Variants in SNX14 observed in about 807,000 individuals in gnomAD.
The protein encoded by SNX14 is sorting nexin 14.
Under a neutral mutation model 133.8 loss-of-function variants are expected in SNX14, and 93 were observed. The observed-to-expected ratio is 0.70, with a 90% CI of 0.59 to 0.83. The LOEUF (loss-of-function observed/expected upper bound fraction) is 0.83, where lower values mean the gene tolerates loss of function less well. Ranked by LOEUF, SNX14 falls within the 40% of genes least tolerant of loss-of-function variation. The pLI is 0.00. For synonymous variants in SNX14, 368 were observed against 365.6 expected (o/e 1.01, Z -0.07); for missense variants, 945 against 1,094.9 (o/e 0.86, Z 1.93).
chr6:85,528,148 A>T, intron 20 of SNX14, 114 bp downstream of exon 20: 1 of 605,662 alleles, frequency 1.7e-6, no homozygotes. Context: ...TCTAAATTAA[A>T]ATCTACATGG....
intron 1 of SNX14, among the ~76,000 whole-genome samples, chr6:85,582,647 C>A (rs1799406886): frequency 6.6e-6 from 1 of 152,108 alleles, no homozygotes; most frequent in Non-Finnish European, 1.5e-5. Context: ...ATACTATAAA[C>A]ACATCTACTG....
Position 85,534,978 on chromosome 6 carries a change from AAACATT to A in SNX14, c.1609-1184_1609-1179del, listed in dbSNP as rs1361909048. ...GAATATGCTTAAAATTAGAAAACAT[AAACATT>A]ATTTTGAAAAAGACTTTCTCTGATC... On this transcript the variant is annotated intron_variant, in intron 17 of 28. Coordinates refer to ENST00000314673, the MANE Select transcript of SNX14 (RefSeq NM_153816.6). Among the ~76,000 whole-genome samples, 4 of 151,820 alleles carry A rather than the reference AAACATT, an allele frequency of 2.6e-5. 1 individual carries two copies. In the Middle Eastern group the frequency reaches 0.01, roughly 387 times the overall value.
At chr6:85,573,683 T>C (rs1307713301) in intron 2 of SNX14, among the ~76,000 whole-genome samples, 1 of 152,186 alleles carries the variant, frequency 6.6e-6, no homozygotes. Context: ...GATTAGATCA[T>C]TTAACCCAGA....
At chr6:85,514,293 T>C in intron 24 of SNX14, 59 bp from the exon 25 acceptor site, 12 of 1,549,816 alleles carry the variant, frequency 7.7e-6, no homozygotes, top group East Asian at 2.3e-5. Flanking sequence ...TTTTTGAAAT[T>C]TGCCAATGTA....
intron 21 of SNX14, among the ~76,000 whole-genome samples, chr6:85,521,460 A>T (rs1776817430): frequency 6.6e-6 from 1 of 151,802 alleles, no homozygotes; most frequent in South Asian, 2.1e-4. Flanking sequence ...CAGGCTGGTG[A>T]AATTATTTTT....
intron 2 of SNX14, among the ~76,000 whole-genome samples, chr6:85,573,516 A>G (rs893279608): frequency 4.6e-5 from 7 of 152,128 alleles, no homozygotes; most frequent in Non-Finnish European, 7.4e-5. Flanking sequence ...ATATCCCACT[A>G]AACCCTAATC....
At position 85,547,128 on chromosome 6, in the gene SNX14, C is replaced by T. The variant is rs764581641; in HGVS notation, c.1092G>A (p.Gln364=). The change falls in exon 12 of 29, where the codon CAG becomes CAA. Residue 364 remains glutamine, a synonymous_variant. Coordinates refer to ENST00000314673, the MANE Select transcript of SNX14 (RefSeq NM_153816.6). ...AAGCCTCACCCACAGTCAAACAAAA[C>T]TGCAACACGTGCACTGCGCCTTCTT... is the stretch of plus-strand genomic sequence containing the variant. ...LKQEGAVHVL[Q]FCLTVEEFND... is the part of the protein sequence containing the mutation. 2.8e-5 allele frequency: 45 copies of T among 1,613,292 alleles called. No homozygotes were observed. Among genetic ancestry groups the T allele is most frequent in the Non-Finnish European group, 3.6e-5 (42 of 1,179,700 alleles).
intron 15 of SNX14, among the ~76,000 whole-genome samples, chr6:85,541,641 T>TA (rs977403073): frequency 5.3e-5 from 8 of 151,994 alleles, no homozygotes; most frequent in African/African-American, 1.7e-4. Flanking sequence ...TAAGCACTCT[T>TA]AAAAAAAAGT....
At chr6:85,564,197 G>A (rs1045809167) in intron 6 of SNX14, among the ~76,000 whole-genome samples, 6 of 152,180 alleles carry the variant, frequency 3.9e-5, no homozygotes, top group African/African-American at 1.4e-4. Flanking sequence ...TTGGTTCCAA[G>A]TCTTTGCTAT....
At chr6:85,557,832 G>A in intron 7 of SNX14, 144 bp downstream of exon 7, 1 of 575,308 alleles carries the variant, frequency 1.7e-6, no homozygotes, top group South Asian at 2.2e-5. Flanking sequence ...ACAAACTACT[G>A]AAAGACATTT....
intron 8 of SNX14, 134 bp downstream of exon 8, chr6:85,549,587 CTT>C (rs1196458419): frequency 4.4e-5 from 21 of 482,126 alleles, no homozygotes; most frequent in Admixed American, 2.6e-4. Context: ...ATATTAATAA[CTT>C]AATAAATTTT....
intron 27 of SNX14, among the ~76,000 whole-genome samples, chr6:85,507,583 C>T (rs1259684933): frequency 6.6e-6 from 1 of 152,080 alleles, no homozygotes. Flanking sequence ...AAAATCACAA[C>T]TGTATTGAGA....
At chr6:85,537,876 A>C (rs2128039094) in intron 16 of SNX14, among the ~76,000 whole-genome samples, 1 of 152,238 alleles carries the variant, frequency 6.6e-6, no homozygotes, top group African/African-American at 2.4e-5. Flanking sequence ...TTGGACCCGC[A>C]AGATTGCACC....
chr6:85,578,575 G>A (rs1017706821), intron 1 of SNX14, among the ~76,000 whole-genome samples: 2 of 152,194 alleles, frequency 1.3e-5, no homozygotes, highest in Admixed American at 1.3e-4. Flanking sequence ...AATGATCCCA[G>A]ATTTGGATTC....
chr6:85,554,222 T>TTA (rs544508658), intron 7 of SNX14, among the ~76,000 whole-genome samples: 2,969 of 148,766 alleles, frequency 0.02, 32 homozygotes, highest in Middle Eastern at 0.053. Flanking sequence ...CAATTTAAGT[T>TTA]TATATATATA....
chr6:85,547,581 T>C, intron 9 of SNX14, 31 bp from the exon 10 acceptor site: 4 of 1,509,334 alleles, frequency 2.7e-6, no homozygotes, highest in Non-Finnish European at 3.6e-6. Flanking sequence ...TAAGTCAAAA[T>C]AATTCCACTA....
chr6:85,590,281 G>A (rs560851114), intron 1 of SNX14, among the ~76,000 whole-genome samples: 10 of 152,178 alleles, frequency 6.6e-5, no homozygotes, highest in Admixed American at 2.0e-4. Context: ...AAGAATTTGC[G>A]TACACCTTCC....
chr6:85,507,826 T>C (rs1771265782), intron 27 of SNX14, 142 bp downstream of exon 27: 1 of 461,712 alleles, frequency 2.2e-6, no homozygotes, highest in Non-Finnish European at 3.6e-6. Context: ...CAAATAAAAC[T>C]TTTTTTCTAT....
At position 85,518,041 on chromosome 6, in the gene SNX14, A is replaced by G; in HGVS notation, c.2115T>C (p.Ile705=). The G allele has an allele frequency of 6.2e-7, 1 of 1,605,608 alleles. No individual in the cohort carries two copies. The highest frequency in any genetic ancestry group is 8.5e-7 in the Non-Finnish European group (1 of 1,174,994). Residue 705 remains isoleucine (I), a synonymous_variant, in exon 22 of 29, where the codon ATT becomes ATC. Transcript: ENST00000314673. ...TTAGTTTTCCAGGAACAGATTTTAT[A>G]ATTTTCCCTGCAATTAAAAGTAAAA... ...KILPDVNLGK[I]IKSVPGKLMK...
Sources: gnomAD v4.1 joint callset for allele counts (sites outside exome capture counted in the v4.1 genomes callset) on GRCh38, gnomAD v4.1.1 for gene constraint, MANE v1.5 for transcripts, NCBI Gene and HGNC (gene_info 2026-07-23, HGNC 2026-07-21) for gene names.